The following ZNF641 variants were observed in gnomAD, a reference collection of about 807,000 sequenced individuals.
ZNF641 encodes the protein zinc finger protein 641.
ZNF641 carries 26 observed loss-of-function variants against 46.2 expected under a neutral mutation model. The ratio of observed to expected loss-of-function variants is 0.56; its 90% CI spans 0.41 to 0.78. ZNF641 has a LOEUF of 0.78. Ranked by LOEUF, ZNF641 falls within the 30% of genes least tolerant of loss-of-function variation. ZNF641 has a pLI of 0.00. For synonymous variants in ZNF641, 163 were observed against 187.9 expected, an observed-to-expected ratio of 0.87 and a Z score of 1.09; for missense variants, 469 against 517.8, an observed-to-expected ratio of 0.91 and a Z score of 0.91.
rs937305439 is a variant in ZNF641 at position 48,340,763 on chromosome 12, A to C, written c.*2210T>G. Reference sequence around the variant, plus strand: ...TGTCAGATTCAACAGGTCTGTACCCAAGACAGGTTCTGAACCATTGCTTAT... The same window carrying C: ...TGTCAGATTCAACAGGTCTGTACCCCAGACAGGTTCTGAACCATTGCTTAT... On this transcript the variant is annotated 3_prime_UTR_variant, in exon 6 of 6. Coordinates refer to ENST00000547026, the MANE Select transcript of ZNF641 (RefSeq NM_001172681.2). 8 of 985,314 alleles carry C rather than the reference A, an allele frequency of 8.1e-6. No homozygotes were observed. Among genetic ancestry groups the C allele is most frequent in the Non-Finnish European group, 9.6e-6 (8 of 829,912 alleles). The allele number at this position is 985,314 out of a possible 1,614,324, so 61.0% of individuals were successfully genotyped here. A position where few individuals can be genotyped will look rare whatever the true frequency, so the allele number is the denominator to read the frequency against.
intron 3 of ZNF641, chr12:48,347,009 T>C: frequency 1.4e-6 from 1 of 709,150 alleles, no homozygotes; most frequent in Non-Finnish European, 2.2e-6. Flanking sequence ...AGATTCTGTC[T>C]CAAAAACAAA....
Position 48,343,178 on chromosome 12 carries a change from C to T in ZNF641, c.1070G>A (p.Cys357Tyr), listed in dbSNP as rs747323865. ...KRQRAPPVPK[C>Y]HVCTECGKSF... ...CTTCCCACATTCAGTGCACACGTGA[C>T]ACTTTGGCACTGGTGGGGCACGCTG... The change falls in exon 6 of 6, where the codon TGT becomes TAT. Residue 357 changes from cysteine (C) to tyrosine (Y), a missense_variant. Physicochemically the swap from Cys to Tyr is radical, Grantham distance 194. Around this residue, in one of 3 missense-constraint regions of ZNF641, gnomAD observed 346 missense variants for 354.0 expected, o/e 0.98. Transcript: ENST00000547026. 1.9e-6 allele frequency: 3 copies of T among 1,614,024 alleles called. No individual in the cohort carries two copies. The highest frequency in any genetic ancestry group is 2.5e-6 in the Non-Finnish European group (3 of 1,180,000).
chr12:48,336,511 G>A (rs888336741), downstream of ZNF641, among the ~76,000 whole-genome samples: 15 of 152,196 alleles, frequency 9.9e-5, no homozygotes, highest in Non-Finnish European at 1.9e-4. Flanking sequence ...GGCAACTCCT[G>A]TAGAGGAGGA....
intron 1 of ZNF641, among the ~76,000 whole-genome samples, chr12:48,348,322 G>A (rs973989009): frequency 1.3e-5 from 2 of 152,292 alleles, no homozygotes; most frequent in Non-Finnish European, 1.5e-5. Context: ...CAGGTGCTAC[G>A]TAGCAAAGCC....
At position 48,340,378 on chromosome 12, in the gene ZNF641, G is replaced by A. The variant is rs955627277; in HGVS notation, c.*2595C>T. 1 of 985,406 alleles carries A rather than the reference G, an allele frequency of 1.0e-6. No homozygotes were observed. Among genetic ancestry groups the A allele is most frequent in the South Asian group, 4.7e-5 (1 of 21,284 alleles). The allele number at this position is 985,406 out of a possible 1,614,324, so 61.0% of individuals were successfully genotyped here. ...TAGTTATAAGGGGCGTGATCTAATA[G>A]TAAGGAATATCACTTCCCACAAGTC... On this transcript the variant is annotated 3_prime_UTR_variant, in exon 6 of 6. Coordinates refer to ENST00000547026, the MANE Select transcript of ZNF641 (RefSeq NM_001172681.2).
At chr12:48,344,534 G>A (rs746200784) in intron 5 of ZNF641, 65 bp downstream of exon 5, 37 of 1,086,980 alleles carry the variant, frequency 3.4e-5, no homozygotes, top group East Asian at 7.2e-5. Context: ...GGGATTAAAC[G>A]AACATGGAAT....
Position 48,349,899 on chromosome 12 carries a change from T to C in ZNF641, c.-26+887A>G, listed in dbSNP as rs1046716467. ...ATATCTGGACACTTGTCTCAAACCC[T>C]TTCTCCATCTCCCCCAGGTAGCAGA... is the stretch of plus-strand genomic sequence containing the variant. On this transcript the variant is annotated intron_variant, in intron 1 of 5. Coordinates refer to ENST00000547026, the MANE Select transcript of ZNF641 (RefSeq NM_001172681.2). 7 of 951,256 alleles carry C rather than the reference T, an allele frequency of 7.4e-6. No individual in the cohort carries two copies. The African/African-American group carries it at 1.1e-4, about 15-fold the overall frequency. 58.9% of individuals were successfully genotyped at this position (951,256 alleles called of 1,614,324 possible).
chr12:48,339,774 G>T lies in ZNF641; in HGVS notation c.*3199C>A. The T allele has an allele frequency of 4.2e-6, 1 of 237,112 alleles. No individual in the cohort carries two copies. The highest frequency in any genetic ancestry group is 6.9e-6 in the Non-Finnish European group (1 of 145,660). The allele number at this position is 237,112 out of a possible 1,614,324, so 14.7% of individuals were successfully genotyped here. ...TTTTGTCCCAAATTATCACCTCTTT[G>T]GTTCTCTGAAGCCATAACATTACTT... On this transcript the variant is annotated 3_prime_UTR_variant, in exon 6 of 6. Transcript: ENST00000547026.
Position 48,340,810 on chromosome 12 carries a change from A to G in ZNF641, c.*2163T>C. ...TTATGCAGAGCTTTTAGTATTAAAGAGGGAGAGTAAAAGAAATGTCAGAGT... is the reference window on the plus strand; with the variant it reads ...TTATGCAGAGCTTTTAGTATTAAAGGGGGAGAGTAAAAGAAATGTCAGAGT... On this transcript the variant is annotated 3_prime_UTR_variant, in exon 6 of 6. Transcript: ENST00000547026. 1.0e-6 allele frequency: 1 copy of G among 985,442 alleles called. No homozygotes were observed. Among genetic ancestry groups the G allele is most frequent in the Non-Finnish European group, 1.2e-6 (1 of 829,902 alleles). 61.0% of individuals were successfully genotyped at this position (985,442 alleles called of 1,614,324 possible).
In ZNF641 at chr12:48,341,516, C is replaced by T; in HGVS notation, c.*1457G>A. 4.1e-6 allele frequency: 4 copies of T among 985,432 alleles called. No individual in the cohort carries two copies. The highest frequency in any genetic ancestry group is 4.8e-6 in the Non-Finnish European group (4 of 829,934). The allele number at this position is 985,432 out of a possible 1,614,324, so 61.0% of individuals were successfully genotyped here. A position where few individuals can be genotyped will look rare whatever the true frequency, so the allele number is the denominator to read the frequency against. Reference sequence around the variant, plus strand: ...AAAACCAACCAGAAAGCTTATTACCCTGCAGCAGCTGAAAAGCTAAGCCAC... The same window carrying T: ...AAAACCAACCAGAAAGCTTATTACCTTGCAGCAGCTGAAAAGCTAAGCCAC... On this transcript the variant is annotated 3_prime_UTR_variant, in exon 6 of 6. Transcript: ENST00000547026.
Position 48,342,933 on chromosome 12 carries a change from C to T in ZNF641, c.*40G>A, listed in dbSNP as rs572852581. The T allele has an allele frequency of 3.3e-5, 52 of 1,561,634 alleles. No individual in the cohort carries two copies. The South Asian group carries it at 3.4e-4, about 10-fold the overall frequency. ...CCCTGGCAGTGACTCCTGGTAGCACCGGCTGATAGACTTGACCATAGCTGT... is the reference window on the plus strand; with the variant it reads ...CCCTGGCAGTGACTCCTGGTAGCACTGGCTGATAGACTTGACCATAGCTGT... On this transcript the variant is annotated 3_prime_UTR_variant, in exon 6 of 6. Transcript: ENST00000547026.
rs1375210931 is a variant in ZNF641, at chr12:48,337,673, A to C, written c.*5300T>G. ...GTCTCTACTAAAAAAAATACAAAAAAAAAAAAAAAAATAGGCGTGGTGGTG... is the reference window on the plus strand; with the variant it reads ...GTCTCTACTAAAAAAAATACAAAAACAAAAAAAAAAATAGGCGTGGTGGTG... On this transcript the variant is annotated 3_prime_UTR_variant, in exon 6 of 6. Coordinates refer to ENST00000547026, the MANE Select transcript of ZNF641 (RefSeq NM_001172681.2). 6.6e-6 allele frequency: 1 copy of C among 151,460 alleles called. No individual in the cohort carries two copies. The highest frequency in any genetic ancestry group is 2.4e-5 in the African/African-American group (1 of 41,220). 9.4% of individuals were successfully genotyped at this position (151,460 alleles called of 1,614,324 possible). A position where few individuals can be genotyped will look rare whatever the true frequency, so the allele number is the denominator to read the frequency against.
At chr12:48,343,807 C>A in intron 5 of ZNF641, 80 bp from the exon 6 acceptor site, 2 of 1,359,096 alleles carry the variant, frequency 1.5e-6, no homozygotes, top group Non-Finnish European at 1.9e-6. Flanking sequence ...ATGAGGTTGT[C>A]TGATACCTGC....
chr12:48,337,875 T>C lies in ZNF641; in HGVS notation c.*5098A>G, dbSNP rs1952635488. 2 of 149,722 alleles carry C rather than the reference T, an allele frequency of 1.3e-5. No homozygotes were observed. The highest frequency in any genetic ancestry group is 6.7e-5 in the Admixed American group (1 of 15,022). 9.3% of individuals were successfully genotyped at this position (149,722 alleles called of 1,614,324 possible). A position where few individuals can be genotyped will look rare whatever the true frequency, so the allele number is the denominator to read the frequency against. ...TTGATTCTCAGGAGTCACAGGAGAC[T>C]GGAAGGAAGTAAATTAAAAATGGTG... On this transcript the variant is annotated 3_prime_UTR_variant, in exon 6 of 6. Transcript: ENST00000547026.
At position 48,341,153 on chromosome 12, in the gene ZNF641, C is replaced by T; in HGVS notation, c.*1820G>A. On this transcript the variant is annotated 3_prime_UTR_variant, in exon 6 of 6. Coordinates refer to ENST00000547026, the MANE Select transcript of ZNF641 (RefSeq NM_001172681.2). ...AGGACTCTGAGGAGCTGTGATTCACCCAGTTTTTCCTGCAAAAGGCACAGT... is the reference window on the plus strand; with the variant it reads ...AGGACTCTGAGGAGCTGTGATTCACTCAGTTTTTCCTGCAAAAGGCACAGT... 1.0e-6 allele frequency: 1 copy of T among 985,392 alleles called. No individual in the cohort carries two copies. Among genetic ancestry groups the T allele is most frequent in the Non-Finnish European group, 1.2e-6 (1 of 829,932 alleles). 61.0% of individuals were successfully genotyped at this position (985,392 alleles called of 1,614,324 possible). A position where few individuals can be genotyped will look rare whatever the true frequency, so the allele number is the denominator to read the frequency against.
intron 2 of ZNF641, 92 bp downstream of exon 2, chr12:48,347,815 T>C: frequency 7.9e-7 from 1 of 1,264,660 alleles, no homozygotes; most frequent in Non-Finnish European, 1.1e-6. Flanking sequence ...TGCTATTTAG[T>C]CCATGGCAAT....
In ZNF641 at chr12:48,344,502, TG is replaced by T. The variant is rs1235401849; in HGVS notation, c.520+96del. Reference sequence around the variant, plus strand: ...AAAAAATCTCTAAACCTTTTGTCTCTGGAACTCTCTGAGGCAGAGGAGGGAT... The same window carrying T: ...AAAAAATCTCTAAACCTTTTGTCTCTGAACTCTCTGAGGCAGAGGAGGGAT... On this transcript the variant is annotated intron_variant, in intron 5 of 5. Transcript: ENST00000547026. 1.8e-5 allele frequency: 13 copies of T among 742,070 alleles called. 1 individual carries two copies. In the Admixed American group the frequency reaches 4.0e-4, roughly 23 times the overall value. The allele number at this position is 742,070 out of a possible 1,614,324, so 46.0% of individuals were successfully genotyped here. A position where few individuals can be genotyped will look rare whatever the true frequency, so the allele number is the denominator to read the frequency against.
chr12:48,341,782 G>A lies in ZNF641; in HGVS notation c.*1191C>T. On this transcript the variant is annotated 3_prime_UTR_variant, in exon 6 of 6. Coordinates refer to ENST00000547026, the MANE Select transcript of ZNF641 (RefSeq NM_001172681.2). The stretch of plus-strand genomic sequence containing the variant: ...CCAAAGACTCCTCTTTCTCTGCCAG[G>A]GCAAAAGCAATCTGCAGCCCAGAGA... 2 of 985,422 alleles carry A rather than the reference G, an allele frequency of 2.0e-6. No homozygotes were observed. Among genetic ancestry groups the A allele is most frequent in the South Asian group, 9.4e-5 (2 of 21,278 alleles). 61.0% of individuals were successfully genotyped at this position (985,422 alleles called of 1,614,324 possible). A position where few individuals can be genotyped will look rare whatever the true frequency, so the allele number is the denominator to read the frequency against.
In ZNF641 at chr12:48,341,342, C is replaced by G. The variant is rs190392059; in HGVS notation, c.*1631G>C. On this transcript the variant is annotated 3_prime_UTR_variant, in exon 6 of 6. Coordinates refer to ENST00000547026, the MANE Select transcript of ZNF641 (RefSeq NM_001172681.2). ...CCTAACCCCGAACTGCTCTTACATA[C>G]AAGATAATTTTTAAATTATAAGATT... The G allele has an allele frequency of 2.8e-5, 28 of 985,350 alleles. No individual in the cohort carries two copies. In the Admixed American group the frequency reaches 1.7e-3, roughly 58 times the overall value. 61.0% of individuals were successfully genotyped at this position (985,350 alleles called of 1,614,324 possible).
Sources: allele counts gnomAD v4.1 joint callset (sites outside exome capture counted in the v4.1 genomes callset), GRCh38; gene constraint gnomAD v4.1.1; regional missense constraint gnomAD v4.1.1; transcripts MANE v1.5; gene names NCBI Gene and HGNC (gene_info 2026-07-23, HGNC 2026-07-21).